TTLL5: variants seen among roughly 807,000 people sequenced by gnomAD.
The protein encoded by TTLL5 is tubulin polyglutamylase TTLL5.
A neutral mutation model predicts 168.4 loss-of-function variants in TTLL5; 132 were observed. That is an observed-to-expected ratio of 0.78 (90% CI 0.68 to 0.91). The LOEUF is 0.91. Among genes scored for constraint, TTLL5 ranks in the 40% least tolerant of loss-of-function variants. The pLI is 0.00. For missense variants in TTLL5, 1,545 were observed against 1,581.5 expected, an observed-to-expected ratio of 0.98 and a Z score of 0.39; for synonymous variants, 546 against 558.6, an observed-to-expected ratio of 0.98 and a Z score of 0.32.
At chr14:75,902,365 A>G in intron 31 of TTLL5, 141 bp downstream of exon 31, 1 of 862,584 alleles carries the variant, frequency 1.2e-6, no homozygotes, top group Non-Finnish European at 1.8e-6. Context: ...GCAAATGGGC[A>G]TTTTTGTTGC....
chr14:75,913,639 A>G lies in TTLL5; in HGVS notation c.3823+11415A>G, dbSNP rs1050850029. On this transcript the variant is annotated intron_variant, in intron 31 of 31. Transcript: ENST00000298832. Reference sequence around the variant, plus strand: ...TAAAAAAGAAATTCTGATTGAATAGATGAATGAGTAAATTTTCATATTTCT... The same window carrying G: ...TAAAAAAGAAATTCTGATTGAATAGGTGAATGAGTAAATTTTCATATTTCT... Among the ~76,000 whole-genome samples the G allele has an allele frequency of 3.3e-5, 5 of 152,208 alleles. No homozygotes were observed. The East Asian group carries it at 9.6e-4, about 29-fold the overall frequency.
intron 30 of TTLL5, among the ~76,000 whole-genome samples, chr14:75,884,068 C>A (rs1177743078): frequency 6.6e-6 from 1 of 152,152 alleles, no homozygotes; most frequent in Non-Finnish European, 1.5e-5. Context: ...AAAAATAAAA[C>A]AATAAGAGTA....
intron 24 of TTLL5, 103 bp from the exon 25 acceptor site, chr14:75,782,384 T>C: frequency 1.1e-6 from 1 of 888,454 alleles, no homozygotes; most frequent in East Asian, 2.7e-5. Context: ...TTTCCCAGCA[T>C]TGATTAGCAG....
chr14:75,905,318 A>T (rs1384011283), intron 31 of TTLL5, among the ~76,000 whole-genome samples: 1 of 152,128 alleles, frequency 6.6e-6, no homozygotes, highest in African/African-American at 2.4e-5. Context: ...TCTTCCTGTA[A>T]GTCTTGCCTG....
chr14:75,832,893 G>A (rs1895655994), intron 28 of TTLL5, among the ~76,000 whole-genome samples: 1 of 152,096 alleles, frequency 6.6e-6, no homozygotes, highest in African/African-American at 2.4e-5. Flanking sequence ...GTTTTCTTAA[G>A]TCTCCCTTCT....
chr14:75,927,272 A>C (rs547101822), intron 31 of TTLL5, among the ~76,000 whole-genome samples: 1 of 152,210 alleles, frequency 6.6e-6, no homozygotes, highest in Non-Finnish European at 1.5e-5. Context: ...ATACTATTTT[A>C]TAACATACAA....
intron 26 of TTLL5, among the ~76,000 whole-genome samples, chr14:75,792,205 A>G (rs1892764026): frequency 1.5e-5 from 2 of 130,556 alleles, no homozygotes; most frequent in South Asian, 4.9e-4. Context: ...GAAAATATAC[A>G]CACACTGGGG....
At chr14:75,896,231 G>GTA (rs72086045) in intron 30 of TTLL5, among the ~76,000 whole-genome samples, 2 of 151,610 alleles carry the variant, frequency 1.3e-5, no homozygotes, top group African/African-American at 4.9e-5. Flanking sequence ...GCGTATACCT[G>GTA]TGTGTGTGTG....
At chr14:75,763,733 C>T (rs1234010290) in intron 18 of TTLL5, among the ~76,000 whole-genome samples, 1 of 152,186 alleles carries the variant, frequency 6.6e-6, no homozygotes. Flanking sequence ...TTTGCTCAGT[C>T]CTTGTCTAGA....
At position 75,804,067 on chromosome 14, in the gene TTLL5, C is replaced by T. The variant is rs2062346171; in HGVS notation, c.3171+10967C>T. ...CGAATGTGCTGTGTCAGTCTCTGCT[C>T]CCCAACCAGCCAGTGCCCGGGATGT... On this transcript the variant is annotated intron_variant, in intron 27 of 31. Coordinates refer to ENST00000298832, the MANE Select transcript of TTLL5 (RefSeq NM_015072.5). Among the ~76,000 whole-genome samples the T allele has an allele frequency of 3.3e-5, 5 of 152,292 alleles. No homozygotes were observed. The South Asian group carries it at 8.3e-4, about 25-fold the overall frequency.
At chr14:75,822,559 G>A (rs542191486) in intron 28 of TTLL5, among the ~76,000 whole-genome samples, 1 of 152,278 alleles carries the variant, frequency 6.6e-6, no homozygotes, top group African/African-American at 2.4e-5. Flanking sequence ...ATTGCTAGCT[G>A]TACTTTTCAT....
At chr14:75,703,360 A>T (rs1886419174) in intron 7 of TTLL5, among the ~76,000 whole-genome samples, 1 of 152,248 alleles carries the variant, frequency 6.6e-6, no homozygotes, top group African/African-American at 2.4e-5. Flanking sequence ...CGAGAACGAG[A>T]TAAAGGATAG....
chr14:75,667,936 T>A (rs1883414620), intron 2 of TTLL5, among the ~76,000 whole-genome samples: 2 of 151,944 alleles, frequency 1.3e-5, no homozygotes, highest in South Asian at 4.2e-4. Flanking sequence ...AATTTTTGTA[T>A]TTTTAGTAGA....
chr14:75,901,944 T>A (rs2032940748), intron 30 of TTLL5, among the ~76,000 whole-genome samples, 198 bp from the exon 31 acceptor site: 1 of 152,154 alleles, frequency 6.6e-6, no homozygotes, highest in African/African-American at 2.4e-5. Flanking sequence ...AATCTCAAAA[T>A]ATATACTATT....
intron 29 of TTLL5, among the ~76,000 whole-genome samples, chr14:75,865,224 G>T (rs1441454283): frequency 6.7e-6 from 1 of 149,468 alleles, no homozygotes; most frequent in African/African-American, 2.5e-5. Flanking sequence ...AAGCCAGTTT[G>T]CATTTTCACA....
intron 30 of TTLL5, chr14:75,887,298 A>G (rs1441805962): frequency 1.0e-6 from 1 of 985,698 alleles, no homozygotes; most frequent in Non-Finnish European, 1.2e-6. Flanking sequence ...CACCGGCTTA[A>G]AAAATGTTAT....
intron 30 of TTLL5, among the ~76,000 whole-genome samples, chr14:75,895,439 C>T (rs2032606934): frequency 1.3e-5 from 2 of 151,688 alleles, no homozygotes; most frequent in Non-Finnish European, 1.5e-5. Context: ...ATGAAGGCTC[C>T]GTGCACTTCA....
chr14:75,761,661 G>C (rs1227596052), intron 18 of TTLL5, among the ~76,000 whole-genome samples: 2 of 152,178 alleles, frequency 1.3e-5, no homozygotes, highest in East Asian at 3.8e-4. Context: ...ATTTACAACA[G>C]TGATTGCCTT....
intron 31 of TTLL5, among the ~76,000 whole-genome samples, chr14:75,925,037 C>A (rs1204755161): frequency 1.4e-5 from 2 of 143,312 alleles, no homozygotes; most frequent in Non-Finnish European, 3.1e-5. Flanking sequence ...TAGGGGCGGC[C>A]GGGCAGAGGC....
Sources: allele counts gnomAD v4.1 joint callset (sites outside exome capture counted in the v4.1 genomes callset), GRCh38; gene constraint gnomAD v4.1.1; transcripts MANE v1.5; gene names NCBI Gene and HGNC (gene_info 2026-07-23, HGNC 2026-07-21).